EGFLAM: variants seen among roughly 807,000 people sequenced by gnomAD.
The protein encoded by EGFLAM is EGF like, fibronectin type III and laminin G domains.
EGFLAM carries 79 observed loss-of-function variants against 113.1 expected under a neutral mutation model. The observed-to-expected ratio is 0.70, with a 90% CI of 0.58 to 0.84. The LOEUF (loss-of-function observed/expected upper bound fraction) is 0.84, where lower values mean the gene tolerates loss of function less well. Among genes scored for constraint, EGFLAM ranks in the 40% least tolerant of loss-of-function variants. The pLI is 0.00. For missense variants in EGFLAM, 1,265 were observed against 1,291.6 expected (o/e 0.98, Z 0.32); for synonymous variants, 504 against 487.6 (o/e 1.03, Z -0.44).
chr5:38,435,428 A>G (rs1053954420), intron 16 of EGFLAM, among the ~76,000 whole-genome samples, 175 bp downstream of exon 16: 25 of 152,256 alleles, frequency 1.6e-4, no homozygotes, highest in Non-Finnish European at 3.4e-4. Context: ...TCACTTTCTT[A>G]GAACATCTGC....
chr5:38,352,286 G>A lies in EGFLAM; in HGVS notation c.500G>A (p.Ser167Asn). Residue 167 changes from serine to asparagine, a missense_variant, in exon 5 of 22, where the codon AGT becomes AAT. Transcript: ENST00000322350. ...GCCCTGTCTTGGAAACCTGGAGCGA[G>A]TGAAGGAAGCGCCCCTATTCAGTAC... Reference protein sequence around the residue: ...EVALSWKPGASEGSAPIQYYS... With the variant: ...EVALSWKPGANEGSAPIQYYS... 1.9e-6 allele frequency: 3 copies of A among 1,614,078 alleles called. No individual in the cohort carries two copies. Among genetic ancestry groups the A allele is most frequent in the Non-Finnish European group, 2.5e-6 (3 of 1,180,014 alleles).
chr5:38,360,887 C>G (rs1002088678), intron 5 of EGFLAM, among the ~76,000 whole-genome samples: 3 of 151,624 alleles, frequency 2.0e-5, no homozygotes, highest in African/African-American at 7.3e-5. Flanking sequence ...TCTAGTCTTG[C>G]TCTGTCACTT....
intron 6 of EGFLAM, among the ~76,000 whole-genome samples, chr5:38,371,378 G>C (rs1740207880): frequency 1.3e-5 from 2 of 152,114 alleles, no homozygotes; most frequent in Admixed American, 6.5e-5. Flanking sequence ...ATGAAGCCCT[G>C]TTTTTATTGG....
At chr5:38,298,731 C>T (rs1289400614) in intron 1 of EGFLAM, among the ~76,000 whole-genome samples, 1 of 151,952 alleles carries the variant, frequency 6.6e-6, no homozygotes, top group Non-Finnish European at 1.5e-5. Flanking sequence ...GACAGGGTCT[C>T]ACTCTATCAC....
chr5:38,462,655 C>G (rs1743325325), intron 20 of EGFLAM: 7 of 419,076 alleles, frequency 1.7e-5, no homozygotes, highest in South Asian at 1.5e-4. Context: ...TCCACAGCAC[C>G]CTTGTGGTCT....
Position 38,350,573 on chromosome 5 carries a change from A to G in EGFLAM, c.364A>G (p.Lys122Glu), listed in dbSNP as rs1739594704. 1.2e-6 allele frequency: 2 copies of G among 1,613,790 alleles called. No homozygotes were observed. Residue 122 changes from lysine to glutamate, a missense_variant, in exon 4 of 22, where the codon AAA (lysine) becomes GAA (glutamate). By Grantham distance (56) the Lys-to-Glu change is moderately conservative. Transcript: ENST00000322350. ...CATAGCAGCTTACAGCCAGGCTGGCAAAGGGCGGCTGAGCTCTCCTCGGCA... is the reference window on the plus strand; with the variant it reads ...CATAGCAGCTTACAGCCAGGCTGGCGAAGGGCGGCTGAGCTCTCCTCGGCA... ...VSIAAYSQAG[K>E]GRLSSPRHVT...
intron 1 of EGFLAM, among the ~76,000 whole-genome samples, chr5:38,268,815 A>T (rs1349874957): frequency 6.6e-6 from 1 of 152,192 alleles, no homozygotes; most frequent in Non-Finnish European, 1.5e-5. Flanking sequence ...AAAAATATGT[A>T]TATGGGTAAG....
rs1579811470 is a variant in EGFLAM, at chr5:38,354,288, T to C, written c.545+1957T>C. On this transcript the variant is annotated intron_variant, in intron 5 of 21. Coordinates refer to ENST00000322350, the MANE Select transcript of EGFLAM (RefSeq NM_152403.4). ...AAGATTCTAATCCTGGTTCCAATAC[T>C]GGTAAAATGTGCTACACTGAAAATC... Among the ~76,000 whole-genome samples the C allele has an allele frequency of 2.6e-5, 4 of 152,254 alleles. No homozygotes were observed. The South Asian group carries it at 6.2e-4, about 24-fold the overall frequency.
chr5:38,366,314 T>C (rs1740058626), intron 5 of EGFLAM, among the ~76,000 whole-genome samples: 1 of 152,236 alleles, frequency 6.6e-6, no homozygotes, highest in African/African-American at 2.4e-5. Context: ...TGAAATGTGC[T>C]ATTTTGCGCT....
At chr5:38,320,656 T>A (rs1227483238) in intron 1 of EGFLAM, among the ~76,000 whole-genome samples, 4 of 151,574 alleles carry the variant, frequency 2.6e-5, no homozygotes. Flanking sequence ...TGATGGGAGG[T>A]TGGTGGGTGG....
In EGFLAM at chr5:38,269,861, A is replaced by G. The variant is rs1178717276; in HGVS notation, c.97+11010A>G. 2.6e-5 allele frequency among the ~76,000 whole-genome samples: 4 copies of G among 152,336 alleles called. No individual in the cohort carries two copies. In the East Asian group the frequency reaches 7.7e-4, roughly 29 times the overall value. The stretch of plus-strand genomic sequence containing the variant: ...TCTTTGCAATCCTTGCCCTACCAGG[A>G]AGTCAGGGCTGATGACTTAACAAAA... On this transcript the variant is annotated intron_variant, in intron 1 of 21. Coordinates refer to ENST00000322350, the MANE Select transcript of EGFLAM (RefSeq NM_152403.4).
chr5:38,289,453 T>C (rs538161523), intron 1 of EGFLAM, among the ~76,000 whole-genome samples: 61 of 152,276 alleles, frequency 4.0e-4, no homozygotes, highest in African/African-American at 1.4e-3. Context: ...GAAACAAATG[T>C]GGTTCATGCT....
At chr5:38,281,660 A>G (rs1220756287) in intron 1 of EGFLAM, among the ~76,000 whole-genome samples, 1 of 152,090 alleles carries the variant, frequency 6.6e-6, no homozygotes, top group Non-Finnish European at 1.5e-5. Flanking sequence ...TTGGAAGGGG[A>G]CTGATAGGTA....
rs1742029375 is a variant in EGFLAM, at chr5:38,426,950, T to C, written c.1811-59T>C. On this transcript the variant is annotated intron_variant, in intron 13 of 21. Coordinates refer to ENST00000322350, the MANE Select transcript of EGFLAM (RefSeq NM_152403.4). ...AGGAGGGAAAGAACACAGCTATGGG[T>C]GCACATCTGGCCAGTTTCTGCCACA... The C allele has an allele frequency of 2.5e-6, 4 of 1,593,436 alleles. No individual in the cohort carries two copies. The East Asian group carries it at 8.9e-5, about 36-fold the overall frequency.
chr5:38,343,425 AATG>A (rs1208186071), intron 3 of EGFLAM, among the ~76,000 whole-genome samples: 14 of 146,764 alleles, frequency 9.5e-5, no homozygotes, highest in Middle Eastern at 3.5e-3. Context: ...AAAAAAAAAA[AATG>A]AGGGGATGGA....
At chr5:38,373,583 A>T (rs1740283562) in intron 6 of EGFLAM, among the ~76,000 whole-genome samples, 1 of 152,158 alleles carries the variant, frequency 6.6e-6, no homozygotes, top group Admixed American at 6.5e-5. Flanking sequence ...GTTGCTTAAA[A>T]GACGTGGGTT....
At chr5:38,415,827 G>A (rs542460067) in intron 11 of EGFLAM, among the ~76,000 whole-genome samples, 3 of 152,238 alleles carry the variant, frequency 2.0e-5, no homozygotes, top group South Asian at 2.1e-4. Context: ...AAGCAAACAC[G>A]TCCTTCTTTA....
Position 38,363,783 on chromosome 5 carries a change from G to A in EGFLAM, c.546-6513G>A, listed in dbSNP as rs148370849. Among the ~76,000 whole-genome samples the A allele has an allele frequency of 1.7e-3, 266 of 152,214 alleles. 2 individuals carry two copies. The highest frequency in any genetic ancestry group is 6.3e-3 in the African/African-American group (261 of 41,526). On this transcript the variant is annotated intron_variant, in intron 5 of 21. Coordinates refer to ENST00000322350, the MANE Select transcript of EGFLAM (RefSeq NM_152403.4). ...TAGGCTTCATTGGACTGTCAAAGTG[G>A]CACAAGCCAAGTTAAACCATGCTGT... is the stretch of plus-strand genomic sequence containing the variant.
At chr5:38,426,981 A>C (rs1406829371) in intron 13 of EGFLAM, 28 bp from the exon 14 acceptor site, 4 of 1,611,066 alleles carry the variant, frequency 2.5e-6, no homozygotes, top group Non-Finnish European at 3.4e-6. Context: ...CCACAGAGGG[A>C]TTTCTAACAC....
Sources: allele counts gnomAD v4.1 joint callset (sites outside exome capture counted in the v4.1 genomes callset), GRCh38; gene constraint gnomAD v4.1.1; transcripts MANE v1.5; gene names NCBI Gene and HGNC (gene_info 2026-07-23, HGNC 2026-07-21).